Variants in TYW1B observed in about 807,000 individuals in gnomAD.
TYW1B encodes S-adenosyl-L-methionine-dependent tRNA 4-demethylwyosine synthase TYW1B.
Under a neutral mutation model 86.9 loss-of-function variants are expected in TYW1B, and 73 were observed. The observed-to-expected ratio is 0.84, with a 90% CI of 0.70 to 1.02. TYW1B has a LOEUF of 1.02. TYW1B is among the 50% of genes least tolerant of loss of function. The pLI is 0.00. For synonymous variants in TYW1B, 248 were observed against 292.8 expected (o/e 0.85, Z 1.56); for missense variants, 637 against 827.4 (o/e 0.77, Z 2.82).
chr7:72,575,607 A>C lies in TYW1B; in HGVS notation c.1898T>G (p.Met633Arg), dbSNP rs782485661. 6.2e-7 allele frequency: 1 copy of C among 1,613,894 alleles called. No individual in the cohort carries two copies. The highest frequency in any genetic ancestry group is 1.7e-5 in the Admixed American group (1 of 59,992). ...TAATGCCCAGTGAGGAGTTCTGGCC[A>C]TATAATCCTTTGCGCTGAACGTTTT... ...GSKTFSAKDY[M>R]ARTPHWALFG... is the part of the protein sequence containing the mutation. The change falls in exon 14 of 14, where the codon ATG (methionine) becomes AGG (arginine). Residue 633 changes from methionine to arginine, a missense_variant. Transcript: ENST00000620995.
At chr7:72,794,819 T>C (rs1167228857) in intron 6 of TYW1B, among the ~76,000 whole-genome samples, 15 of 150,754 alleles carry the variant, frequency 9.9e-5, no homozygotes, top group Admixed American at 8.0e-4. Flanking sequence ...TCCCCACTTT[T>C]CTTTTTTTTT....
chr7:72,610,053 T>C (rs1554435647), intron 13 of TYW1B, among the ~76,000 whole-genome samples: 1 of 152,254 alleles, frequency 6.6e-6, no homozygotes. Context: ...CTTGAGATAG[T>C]TCCCAGTTTC....
intron 11 of TYW1B, among the ~76,000 whole-genome samples, chr7:72,670,938 G>A (rs1813586365): frequency 6.6e-6 from 1 of 152,152 alleles, no homozygotes; most frequent in African/African-American, 2.4e-5. Context: ...TCTTAGGTTT[G>A]CATAAAGCTT....
intron 7 of TYW1B, among the ~76,000 whole-genome samples, chr7:72,776,375 G>A: frequency 6.6e-6 from 1 of 151,832 alleles, no homozygotes; most frequent in East Asian, 1.9e-4. Context: ...CTTGAGGCCA[G>A]GAGTTCAAGA....
intron 12 of TYW1B, among the ~76,000 whole-genome samples, chr7:72,617,875 C>T (rs1364623773): frequency 7.2e-5 from 11 of 152,074 alleles, no homozygotes; most frequent in Non-Finnish European, 1.3e-4. Flanking sequence ...ACCTAATAGC[C>T]AAGGCACACA....
intron 6 of TYW1B, among the ~76,000 whole-genome samples, chr7:72,790,565 T>G (rs1554473222): frequency 6.6e-6 from 1 of 152,210 alleles, no homozygotes; most frequent in African/African-American, 2.4e-5. Flanking sequence ...GCAGCTGCAC[T>G]TGATCCCTCT....
rs56806378 is a variant in TYW1B, at chr7:72,734,268, A to AAAAAAAAAAAAAAAAAAAAAAC, written c.1083-5338_1083-5337insGTTTTTTTTTTTTTTTTTTTTT. Among the ~76,000 whole-genome samples the AAAAAAAAAAAAAAAAAAAAAAC allele has an allele frequency of 1.2e-3, 114 of 98,108 alleles. 8 individuals are homozygous for AAAAAAAAAAAAAAAAAAAAAAC. The highest frequency in any genetic ancestry group is 1.7e-3 in the Non-Finnish European group (82 of 47,680). The allele number at this position is 98,108 out of a possible 152,430, so 64.4% of individuals were successfully genotyped here. A position where few individuals can be genotyped will look rare whatever the true frequency, so the allele number is the denominator to read the frequency against. On this transcript the variant is annotated intron_variant, in intron 8 of 13. Transcript: ENST00000620995. ...TTAAAACTCCATCTCAAAAAAAAAA[A>AAAAAAAAAAAAAAAAAAAAAAC]ACACAACAAAAAAACTATAAACCTA... is the stretch of plus-strand genomic sequence containing the variant.
At chr7:72,797,964 G>A (rs1254547891) in intron 6 of TYW1B, among the ~76,000 whole-genome samples, 2 of 151,598 alleles carry the variant, frequency 1.3e-5, no homozygotes, top group Non-Finnish European at 2.9e-5. Flanking sequence ...GTCAGAACAT[G>A]CAAAGTCTTT....
Position 72,802,090 on chromosome 7 carries a change from G to A in TYW1B, c.846+310C>T, listed in dbSNP as rs200116293. On this transcript the variant is annotated intron_variant, in intron 6 of 13. Coordinates refer to ENST00000620995, the MANE Select transcript of TYW1B (RefSeq NM_001145440.3). ...GCTATCATTAGTGTATTTTATGTGC[G>A]GCCCAAGACATTTTTTCTACCAATG... Among the ~76,000 whole-genome samples the A allele has an allele frequency of 5.3e-5, 8 of 151,080 alleles. No homozygotes were observed. In the East Asian group the frequency reaches 5.8e-4, roughly 11 times the overall value.
chr7:72,584,342 G>C (rs1352024436), intron 13 of TYW1B, among the ~76,000 whole-genome samples: 1 of 152,140 alleles, frequency 6.6e-6, no homozygotes, highest in Non-Finnish European at 1.5e-5. Flanking sequence ...ACCTCACCTG[G>C]CCAGAGCATT....
At chr7:72,776,951 G>C (rs1554470685) in intron 7 of TYW1B, among the ~76,000 whole-genome samples, 2 of 151,992 alleles carry the variant, frequency 1.3e-5, no homozygotes, top group African/African-American at 4.8e-5. Flanking sequence ...GAAGTGGGGA[G>C]GGGGAAGAAG....
intron 6 of TYW1B, among the ~76,000 whole-genome samples, chr7:72,789,359 C>T (rs188921085): frequency 0.012 from 1,874 of 152,130 alleles, 45 homozygotes; most frequent in African/African-American, 0.042. Flanking sequence ...TGGTCTCGAA[C>T]TCCTGACCTC....
intron 7 of TYW1B, among the ~76,000 whole-genome samples, chr7:72,756,201 T>TTTTA (rs1787584730): frequency 1.5e-3 from 209 of 138,864 alleles, no homozygotes; most frequent in African/African-American, 5.4e-3. Context: ...GTTTATTATT[T>TTTTA]TTTTATTTTA....
At chr7:72,591,881 T>C (rs1379323192) in intron 13 of TYW1B, among the ~76,000 whole-genome samples, 1 of 152,206 alleles carries the variant, frequency 6.6e-6, no homozygotes, top group South Asian at 2.1e-4. Context: ...GTGTGTGTAG[T>C]GGTGTGATCT....
At chr7:72,811,143 C>T (rs374948342) in intron 3 of TYW1B, among the ~76,000 whole-genome samples, 40 of 151,372 alleles carry the variant, frequency 2.6e-4, no homozygotes, top group South Asian at 6.3e-4. Flanking sequence ...TGGTGGTGGG[C>T]GCCTGTAGTC....
At chr7:72,609,755 C>T (rs1360250594) in intron 13 of TYW1B, among the ~76,000 whole-genome samples, 1 of 151,964 alleles carries the variant, frequency 6.6e-6, no homozygotes, top group East Asian at 1.9e-4. Flanking sequence ...TCATTTCTTT[C>T]ACTAGACACT....
At chr7:72,632,592 A>C (rs3015880) in intron 11 of TYW1B, among the ~76,000 whole-genome samples, 139,660 of 140,102 alleles carry the variant, frequency 1, 69,610 homozygotes, top group Middle Eastern at 1. Context: ...AACAAAAACC[A>C]ATCTACATGG....
At chr7:72,696,984 C>A (rs1814335258) in intron 10 of TYW1B, among the ~76,000 whole-genome samples, 1 of 149,824 alleles carries the variant, frequency 6.7e-6, no homozygotes, top group South Asian at 2.1e-4. Context: ...TTGCTGAGTG[C>A]CTCTTTAATA....
At chr7:72,795,289 G>A (rs1227361265) in intron 6 of TYW1B, among the ~76,000 whole-genome samples, 1 of 151,740 alleles carries the variant, frequency 6.6e-6, no homozygotes, top group Non-Finnish European at 1.5e-5. Context: ...AAAATGTCCA[G>A]ACAATGGTCT....
Sources: allele counts gnomAD v4.1 joint callset (sites outside exome capture counted in the v4.1 genomes callset), GRCh38; gene constraint gnomAD v4.1.1; transcripts MANE v1.5; gene names NCBI Gene and HGNC (gene_info 2026-07-23, HGNC 2026-07-21).